TNNI3K: variants seen among roughly 807,000 people sequenced by gnomAD.
The protein encoded by TNNI3K is TNNI3 interacting kinase.
TNNI3K carries 140 observed loss-of-function variants against 114.5 expected under a neutral mutation model. That is an observed-to-expected ratio of 1.22 (90% CI 1.07 to 1.41). The LOEUF (loss-of-function observed/expected upper bound fraction) is 1.41, where lower values mean the gene tolerates loss of function less well. Among genes scored for constraint, TNNI3K ranks in the 40% most tolerant of loss-of-function variants. The pLI, the probability that TNNI3K is intolerant of heterozygous loss-of-function variation, is 0.00. For synonymous variants in TNNI3K, 347 were observed against 347.5 expected (o/e 1.00, Z 0.02); for missense variants, 1,125 against 1,007.6 (o/e 1.12, Z -1.58).
chr1:74,492,364 C>T (rs1669124684), intron 23 of TNNI3K, 98 bp downstream of exon 23: 6 of 1,315,972 alleles, frequency 4.6e-6, no homozygotes, highest in South Asian at 3.0e-5. Context: ...GGTTTGATTA[C>T]CCCCTGAAAA....
intron 5 of TNNI3K, among the ~76,000 whole-genome samples, chr1:74,326,489 A>T (rs1396844371): frequency 7.2e-5 from 11 of 152,218 alleles, no homozygotes; most frequent in Non-Finnish European, 1.2e-4. Context: ...GAGATTTTAA[A>T]TAAGGTCTGG....
chr1:74,498,031 A>T (rs560599122), intron 23 of TNNI3K, among the ~76,000 whole-genome samples: 21 of 152,180 alleles, frequency 1.4e-4, no homozygotes, highest in African/African-American at 5.1e-4. Flanking sequence ...GACTAAAGAG[A>T]TGCTATTACC....
chr1:74,348,025 G>T (rs1483263651), intron 9 of TNNI3K, among the ~76,000 whole-genome samples: 1 of 152,076 alleles, frequency 6.6e-6, no homozygotes, highest in Non-Finnish European at 1.5e-5. Flanking sequence ...GTCAATTTTG[G>T]CTTTTGTTGT....
In TNNI3K at chr1:74,492,132, T is replaced by G; in HGVS notation, c.2217T>G (p.Ser739=). The G allele has an allele frequency of 6.2e-7, 1 of 1,611,640 alleles. No individual in the cohort carries two copies. Among genetic ancestry groups the G allele is most frequent in the Non-Finnish European group, 8.5e-7 (1 of 1,178,202 alleles). ...MSPASSNSSG[S]LSPSSSSDCL... ...CTGCATCAAGTAACAGCAGTGGGTCTCTCTCACCTTCTTCTTCTTCTGATT... is the reference window on the plus strand; with the variant it reads ...CTGCATCAAGTAACAGCAGTGGGTCGCTCTCACCTTCTTCTTCTTCTGATT... The change falls in exon 23 of 25, where the codon TCT becomes TCG. Residue 739 remains serine (S), a synonymous_variant. Coordinates refer to ENST00000326637, the MANE Select transcript of TNNI3K (RefSeq NM_015978.3).
intron 4 of TNNI3K, among the ~76,000 whole-genome samples, chr1:74,263,590 C>A (rs1655800788): frequency 6.6e-6 from 1 of 151,738 alleles, no homozygotes; most frequent in South Asian, 2.1e-4. Context: ...TTGTCAGATA[C>A]CTCTTTAAGG....
intron 5 of TNNI3K, among the ~76,000 whole-genome samples, chr1:74,297,689 T>G (rs1162686379): frequency 6.6e-6 from 1 of 152,176 alleles, no homozygotes; most frequent in Non-Finnish European, 1.5e-5. Context: ...TTCATTTATT[T>G]TCATTTGGGT....
chr1:74,454,368 T>A (rs1241978363), intron 20 of TNNI3K, among the ~76,000 whole-genome samples: 1 of 152,148 alleles, frequency 6.6e-6, no homozygotes, highest in Non-Finnish European at 1.5e-5. Flanking sequence ...TTATCTCATC[T>A]TCCCCACTAC....
At chr1:74,447,788 C>A (rs2100689434) in intron 20 of TNNI3K, among the ~76,000 whole-genome samples, 1 of 4,148 alleles carries the variant, frequency 2.4e-4, no homozygotes, top group Admixed American at 2.0e-3. Flanking sequence ...ATAAATCATG[C>A]TGCTATAAAG....
intron 23 of TNNI3K, among the ~76,000 whole-genome samples, chr1:74,495,939 A>C (rs1669304502): frequency 6.6e-6 from 1 of 152,172 alleles, no homozygotes; most frequent in Non-Finnish European, 1.5e-5. Context: ...GTTTAAAGTC[A>C]GAGAGCCCAA....
intron 4 of TNNI3K, among the ~76,000 whole-genome samples, chr1:74,261,127 T>C (rs1655647909): frequency 6.6e-6 from 1 of 152,108 alleles, no homozygotes; most frequent in African/African-American, 2.4e-5. Context: ...TGTTGTGTAT[T>C]TTCTTCACAG....
chr1:74,505,541 T>A (rs936584395), intron 23 of TNNI3K, among the ~76,000 whole-genome samples: 2 of 151,972 alleles, frequency 1.3e-5, no homozygotes, highest in African/African-American at 4.9e-5. Flanking sequence ...CAGGTTTAAT[T>A]CCTCATGGAT....
At chr1:74,534,025 C>T (rs1002510537) in intron 23 of TNNI3K, among the ~76,000 whole-genome samples, 21 of 152,146 alleles carry the variant, frequency 1.4e-4, no homozygotes, top group Admixed American at 3.3e-4. Context: ...ATCCCCAAAA[C>T]GCCGGTGAAA....
At chr1:74,257,792 G>T (rs778649547) in intron 4 of TNNI3K, among the ~76,000 whole-genome samples, 2 of 148,672 alleles carry the variant, frequency 1.3e-5, no homozygotes, top group Admixed American at 6.9e-5. Context: ...CTCAGCCTCC[G>T]GAGTAGCTGG....
intron 5 of TNNI3K, among the ~76,000 whole-genome samples, chr1:74,276,174 T>C (rs1043589897): frequency 2.0e-5 from 3 of 152,142 alleles, no homozygotes; most frequent in African/African-American, 7.2e-5. Flanking sequence ...ATCCAAATTT[T>C]CAAGTGGAAA....
intron 5 of TNNI3K, among the ~76,000 whole-genome samples, chr1:74,331,067 C>A (rs1337732287): frequency 6.6e-6 from 1 of 152,054 alleles, no homozygotes; most frequent in African/African-American, 2.4e-5. Flanking sequence ...GAGGAGATGG[C>A]ATTTTAGCTG....
chr1:74,455,816 C>T (rs1241366516), intron 20 of TNNI3K, among the ~76,000 whole-genome samples: 1 of 152,174 alleles, frequency 6.6e-6, no homozygotes, highest in Non-Finnish European at 1.5e-5. Context: ...ATGATGCCTG[C>T]CCACATTGGT....
At chr1:74,445,954 G>A (rs1369265237) in intron 20 of TNNI3K, among the ~76,000 whole-genome samples, 1 of 152,196 alleles carries the variant, frequency 6.6e-6, no homozygotes, top group African/African-American at 2.4e-5. Flanking sequence ...GGACATTTGG[G>A]TTGGTTCCAA....
chr1:74,450,887 G>C (rs934228847), intron 20 of TNNI3K, among the ~76,000 whole-genome samples: 1 of 152,034 alleles, frequency 6.6e-6, no homozygotes, highest in East Asian at 1.9e-4. Context: ...CCCAGTAATC[G>C]CATTACTGGG....
intron 17 of TNNI3K, among the ~76,000 whole-genome samples, chr1:74,386,302 T>C (rs535178294): frequency 1.3e-5 from 2 of 152,174 alleles, no homozygotes; most frequent in African/African-American, 4.8e-5. Flanking sequence ...CTATTCAGTA[T>C]TGAAAACTGG....
Sources: gnomAD v4.1 joint callset for allele counts (sites outside exome capture counted in the v4.1 genomes callset) on GRCh38, gnomAD v4.1.1 for gene constraint, MANE v1.5 for transcripts, NCBI Gene and HGNC (gene_info 2026-07-23, HGNC 2026-07-21) for gene names.